Variants in KRT71 observed in about 807,000 individuals in gnomAD.
KRT71 encodes keratin, type II cytoskeletal 71.
A neutral mutation model predicts 46.2 loss-of-function variants in KRT71; 42 were observed. The observed-to-expected ratio is 0.91, with a 90% confidence interval of 0.71 to 1.18. The LOEUF is 1.18. Ranked by LOEUF, KRT71 falls within the 50% of genes most tolerant of loss-of-function variation. KRT71 has a pLI of 0.00. For missense variants in KRT71, 708 were observed against 677.9 expected (o/e 1.04, Z -0.49); for synonymous variants, 292 against 277.8 (o/e 1.05, Z -0.51).
rs1329210511 is a variant in KRT71 at position 52,552,793 on chromosome 12, A to T, written c.285T>A (p.Thr95=). ...GGTGGATGCCTCCAGGTGGGCATACAGTTGGGCACACAGGCCCCAGGGCCA... is the reference window on the plus strand; with the variant it reads ...GGTGGATGCCTCCAGGTGGGCATACTGTTGGGCACACAGGCCCCAGGGCCA... The part of the protein sequence containing the change: ...GSVALGPVCP[T]VCPPGGIHQV... Residue 95 remains threonine (T), a synonymous_variant, in exon 1 of 9, where the codon ACT becomes ACA. Coordinates refer to ENST00000267119, the MANE Select transcript of KRT71 (RefSeq NM_033448.3). The T allele has an allele frequency of 6.2e-7, 1 of 1,614,202 alleles. No homozygotes were observed. Among genetic ancestry groups the T allele is most frequent in the Admixed American group, 1.7e-5 (1 of 60,034 alleles).
intron 1 of KRT71, among the ~76,000 whole-genome samples, chr12:52,552,281 G>A (rs1939185136): frequency 1.3e-5 from 2 of 152,248 alleles, no homozygotes; most frequent in Admixed American, 1.3e-4. Flanking sequence ...TGCCAGGGGA[G>A]GAGGACAGCT....
At chr12:52,549,434 G>C in intron 2 of KRT71, 81 bp from the exon 3 acceptor site, 1 of 1,177,294 alleles carries the variant, frequency 8.5e-7, no homozygotes, top group South Asian at 1.2e-5. Context: ...GCAAGGAGCA[G>C]CGTGTCCATC....
chr12:52,545,678 C>T, intron 7 of KRT71, 79 bp from the exon 8 acceptor site: 2 of 897,010 alleles, frequency 2.2e-6, no homozygotes, highest in South Asian at 3.3e-5. Context: ...CCACCATCAG[C>T]CTTATGTGGG....
chr12:52,552,521 C>T, intron 1 of KRT71, 116 bp downstream of exon 1: 1 of 1,079,154 alleles, frequency 9.3e-7, no homozygotes, highest in Non-Finnish European at 1.3e-6. Context: ...CTACCTTGTC[C>T]ACAGTAAAGT....
Position 52,552,670 on chromosome 12 carries a change from A to G in KRT71, c.408T>C (p.Ala136=). ...TGAAGGAGGCGAACTTGTTGTTCAG[A>G]GCCTTGATCTGCTCTCGCTCCTGGG... ...VRAQEREQIK[A]LNNKFASFID... Residue 136 remains alanine, a synonymous_variant, in exon 1 of 9, where the codon GCT becomes GCC. Transcript: ENST00000267119. The G allele has an allele frequency of 6.2e-7, 1 of 1,612,678 alleles. No homozygotes were observed.
At chr12:52,546,167 T>G in intron 7 of KRT71, 119 bp downstream of exon 7, 1 of 1,054,228 alleles carries the variant, frequency 9.5e-7, no homozygotes, top group South Asian at 1.6e-5. Context: ...ATTATTTCTA[T>G]CCTCATCACC....
At chr12:52,551,025 T>C (rs1222592997) in intron 1 of KRT71, among the ~76,000 whole-genome samples, 1 of 152,228 alleles carries the variant, frequency 6.6e-6, no homozygotes, top group African/African-American at 2.4e-5. Context: ...AGTGTCAAGA[T>C]AGAATTATTC....
Position 52,544,468 on chromosome 12 carries a change from G to A in KRT71, c.*64C>T. The A allele has an allele frequency of 2.8e-6, 4 of 1,419,182 alleles. No homozygotes were observed. Among genetic ancestry groups the A allele is most frequent in the Non-Finnish European group, 4.0e-6 (4 of 1,004,878 alleles). 87.9% of individuals were successfully genotyped at this position (1,419,182 alleles called of 1,614,324 possible). On this transcript the variant is annotated 3_prime_UTR_variant, in exon 9 of 9. Transcript: ENST00000267119. The stretch of plus-strand genomic sequence containing the variant: ...GGAGATGGAGCTGAGAGTGGGCTGT[G>A]GGAAGTACAGTGTGGGATCCAGAGC...
Position 52,548,195 on chromosome 12 carries a change from G to T in KRT71, c.935C>A (p.Ala312Asp), listed in dbSNP as rs757709594. ...DEVRTQYEEI[A>D]LKSKAEAEAL... ...CTCAGCCTCGGCCTTACTCTTCAAG[G>T]CAATCTCCTCATACTGGGTGCGGAC... is the stretch of plus-strand genomic sequence containing the variant. Residue 312 changes from alanine (A) to aspartate (D), a missense_variant, in exon 5 of 9, where the codon GCC becomes GAC. Coordinates refer to ENST00000267119, the MANE Select transcript of KRT71 (RefSeq NM_033448.3). The T allele has an allele frequency of 1.2e-6, 2 of 1,614,114 alleles. No homozygotes were observed. The highest frequency in any genetic ancestry group is 1.7e-6 in the Non-Finnish European group (2 of 1,179,990).
At chr12:52,548,843 AAG>A in intron 3 of KRT71, 47 bp from the exon 4 acceptor site, 2 of 1,546,962 alleles carry the variant, frequency 1.3e-6, no homozygotes. Context: ...TACAGCCAAA[AAG>A]GCAGCAGCCA....
intron 3 of KRT71, among the ~76,000 whole-genome samples, chr12:52,549,054 A>G (rs1297157957): frequency 6.6e-6 from 1 of 151,898 alleles, no homozygotes; most frequent in Non-Finnish European, 1.5e-5. Flanking sequence ...TGTCCTCTGT[A>G]TTCTTCTCCG....
In KRT71 at chr12:52,547,958, C is replaced by A. The variant is rs1939085871; in HGVS notation, c.1003G>T (p.Gly335Cys). 6.2e-7 allele frequency: 1 copy of A among 1,614,162 alleles called. No homozygotes were observed. Among genetic ancestry groups the A allele is most frequent in the Admixed American group, 1.7e-5 (1 of 60,014 alleles). The change falls in exon 6 of 9, where the codon GGC becomes TGC. Residue 335 changes from glycine (G) to cysteine (C), a missense_variant. Physicochemically the swap from Gly to Cys is radical, Grantham distance 159. Coordinates refer to ENST00000267119, the MANE Select transcript of KRT71 (RefSeq NM_033448.3). ...TTTTTGAGGTCGTCCCCATGCCTGC[C>A]AGCTGCCAGCTGAAGCTCTTGGAAC... ...TKFQELQLAA[G>C]RHGDDLKNTK...
chr12:52,544,683 C>G lies in KRT71; in HGVS notation c.1421G>C (p.Gly474Ala), dbSNP rs1349586633. The change falls in exon 9 of 9, where the codon GGT (glycine) becomes GCT (alanine). Residue 474 changes from glycine (G) to alanine (A), a missense_variant. Gly to Ala is a moderately conservative substitution (Grantham distance 60). Transcript: ENST00000267119. ...GTTGCTGCTGTTGGCCACATAGCCA[C>G]CGCTGACCATGCTGGGCCGGAAGCC... Reference protein sequence around the residue: ...VYGFRPSMVSGGYVANSSNCI... With the variant: ...VYGFRPSMVSAGYVANSSNCI... 3 of 1,613,806 alleles carry G rather than the reference C, an allele frequency of 1.9e-6. No homozygotes were observed. The South Asian group carries it at 3.3e-5, about 18-fold the overall frequency.
Position 52,552,760 on chromosome 12 carries a change from G to A in KRT71, c.318C>T (p.Thr106=), listed in dbSNP as rs138486949. Residue 106 remains threonine, a synonymous_variant, in exon 1 of 9, where the codon ACC becomes ACT. Coordinates refer to ENST00000267119, the MANE Select transcript of KRT71 (RefSeq NM_033448.3). ...VCPPGGIHQV[T]VNESLLAPLN... is the part of the protein sequence containing the mutation. ...GGGGGGCCAGGAGGCTCTCATTGAC[G>A]GTAACCTGGTGGATGCCTCCAGGTG... is the stretch of plus-strand genomic sequence containing the variant. The A allele has an allele frequency of 1.0e-4, 163 of 1,614,158 alleles. No homozygotes were observed. The African/African-American group carries it at 1.8e-3, about 17-fold the overall frequency.
Position 52,552,658 on chromosome 12 carries a change from C to G in KRT71, c.420G>C (p.Lys140Asn). The G allele has an allele frequency of 6.2e-7, 1 of 1,611,798 alleles. No homozygotes were observed. Among genetic ancestry groups the G allele is most frequent in the Non-Finnish European group, 8.5e-7 (1 of 1,178,874 alleles). The change falls in exon 1 of 9, where the codon AAG becomes AAC. Residue 140 changes from lysine to asparagine, a missense_variant. Transcript: ENST00000267119. ...CCACCTTGTCGATGAAGGAGGCGAA[C>G]TTGTTGTTCAGAGCCTTGATCTGCT... is the stretch of plus-strand genomic sequence containing the variant. Reference protein sequence around the residue: ...EREQIKALNNKFASFIDKVRF... With the variant: ...EREQIKALNNNFASFIDKVRF...
chr12:52,548,217 G>A lies in KRT71; in HGVS notation c.913C>T (p.Arg305Cys), dbSNP rs34468387. The A allele has an allele frequency of 2.7e-3, 4,393 of 1,614,190 alleles. 8 individuals carry two copies. The highest frequency in any genetic ancestry group is 8.3e-3 in the African/African-American group (620 of 75,048). The stretch of plus-strand genomic sequence containing the variant: ...AAGGCAATCTCCTCATACTGGGTGC[G>A]GACTTCGTCAATGATGCTGTCCAGG... The part of the protein sequence containing the change: ...LDLDSIIDEV[R>C]TQYEEIALKS... Residue 305 changes from arginine (R) to cysteine (C), a missense_variant, in exon 5 of 9, where the codon CGC becomes TGC. Transcript: ENST00000267119.
chr12:52,550,026 C>G lies in KRT71; in HGVS notation c.656+3G>C, dbSNP rs762812066. On this transcript the variant is annotated splice_donor_region_variant and intron_variant, in intron 2 of 8. Transcript: ENST00000267119. ...CAGTTACAGGGGGACTCCTCCTGCT[C>G]ACCTCTTCTTGTAGTCCTCCACTAC... 1 of 1,613,906 alleles carries G rather than the reference C, an allele frequency of 6.2e-7. No individual in the cohort carries two copies. Among genetic ancestry groups the G allele is most frequent in the Non-Finnish European group, 8.5e-7 (1 of 1,179,924 alleles).
intron 7 of KRT71, among the ~76,000 whole-genome samples, chr12:52,545,832 C>A (rs962204572): frequency 3.3e-5 from 5 of 152,128 alleles, no homozygotes; most frequent in African/African-American, 1.2e-4. Flanking sequence ...AAGGTGCACA[C>A]GTAGGGGCAG....
intron 6 of KRT71, 135 bp downstream of exon 6, chr12:52,547,722 T>C: frequency 1.8e-6 from 2 of 1,093,088 alleles, no homozygotes; most frequent in Non-Finnish European, 2.6e-6. Context: ...CTCCAGGTGT[T>C]TGAGGCAGCG....
Sources: allele counts gnomAD v4.1 joint callset (sites outside exome capture counted in the v4.1 genomes callset), GRCh38; gene constraint gnomAD v4.1.1; transcripts MANE v1.5; gene names NCBI Gene and HGNC (gene_info 2026-07-23, HGNC 2026-07-21).